The following ASPSCR1 variants were observed in gnomAD, a reference collection of about 807,000 sequenced individuals.
The protein encoded by ASPSCR1 is tether containing UBX domain for GLUT4.
In ASPSCR1, 55 loss-of-function variants were observed where a neutral mutation model predicts 68.9. The observed-to-expected ratio is 0.80, with a 90% confidence interval of 0.64 to 1.00. The LOEUF (loss-of-function observed/expected upper bound fraction) is 1.00. Among genes scored for constraint, ASPSCR1 ranks in the 50% least tolerant of loss-of-function variants. ASPSCR1 has a pLI of 0.00. For missense variants in ASPSCR1, 765 were observed against 762.2 expected (o/e 1.00, Z -0.04); for synonymous variants, 352 against 332.6 (o/e 1.06, Z -0.63).
chr17:82,008,852 T>G, intron 7 of ASPSCR1, 185 bp from the exon 8 acceptor site: 1 of 745,678 alleles, frequency 1.3e-6, no homozygotes, highest in Non-Finnish European at 2.0e-6. Context: ...TGGGGTGGGG[T>G]CCCCCAGCTG....
Position 81,996,677 on chromosome 17 carries a change from C to T in ASPSCR1, c.764C>T (p.Pro255Leu). The change falls in exon 7 of 16, where the codon CCT becomes CTT. Residue 255 changes from proline to leucine, a missense_variant. By Grantham distance (98) the Pro-to-Leu change is moderately conservative (BLOSUM62 -3). Coordinates refer to ENST00000306739, the MANE Select transcript of ASPSCR1 (RefSeq NM_024083.4). ...GGTGGGGGACAGAGACTGGGGGGCCCTCCTGGGCCCACGAGGCCTCTGACA... is the reference window on the plus strand; with the variant it reads ...GGTGGGGGACAGAGACTGGGGGGCCTTCCTGGGCCCACGAGGCCTCTGACA... ...FSGGGQRLGG[P>L]PGPTRPLTSS... 6.2e-7 allele frequency: 1 copy of T among 1,613,254 alleles called. No homozygotes were observed. Among genetic ancestry groups the T allele is most frequent in the Non-Finnish European group, 8.5e-7 (1 of 1,179,834 alleles).
At chr17:82,009,366 T>A (rs997733771) in intron 8 of ASPSCR1, 120 bp from the exon 9 acceptor site, 1 of 1,357,944 alleles carries the variant, frequency 7.4e-7, no homozygotes, top group African/African-American at 1.5e-5. Flanking sequence ...CAGACCTTCC[T>A]GCCTTGTGTG....
At chr17:82,011,177 G>A (rs747832563) in intron 10 of ASPSCR1, among the ~76,000 whole-genome samples, 2 of 152,160 alleles carry the variant, frequency 1.3e-5, no homozygotes, top group Admixed American at 6.5e-5. Context: ...ACCCTACCCC[G>A]GGAGGAGGGC....
intron 15 of ASPSCR1, 75 bp downstream of exon 15, chr17:82,017,188 G>A (rs2043168585): frequency 6.3e-7 from 1 of 1,577,354 alleles, no homozygotes; most frequent in African/African-American, 1.3e-5. Context: ...GGCAGGGTCA[G>A]TGGGCTGGGG....
chr17:81,984,569 G>A (rs1187331831), intron 3 of ASPSCR1, among the ~76,000 whole-genome samples: 2 of 150,060 alleles, frequency 1.3e-5, no homozygotes, highest in Non-Finnish European at 1.5e-5. Flanking sequence ...GACAGAGTGA[G>A]ACTTTGTCTC....
chr17:81,994,204 C>T, intron 4 of ASPSCR1, among the ~76,000 whole-genome samples: 1 of 152,254 alleles, frequency 6.6e-6, no homozygotes, highest in African/African-American at 2.4e-5. Context: ...TCCAGCTGTG[C>T]CTCCTGCGGG....
chr17:82,015,644 G>C, intron 12 of ASPSCR1: 1 of 493,986 alleles, frequency 2.0e-6, no homozygotes, highest in Non-Finnish European at 3.7e-6. Flanking sequence ...GCAGCCTCTG[G>C]GCAGTGTCCC....
At position 82,017,293 on chromosome 17, in the gene ASPSCR1, T is replaced by G; in HGVS notation, c.1649-16T>G. The G allele has an allele frequency of 6.2e-7, 1 of 1,611,232 alleles. No homozygotes were observed. Among genetic ancestry groups the G allele is most frequent in the Non-Finnish European group, 8.5e-7 (1 of 1,179,888 alleles). Reference sequence around the variant, plus strand: ...AGCCCGGGGTGTGTGGTCACCCTGATGTGTCTGCACTACAGCCAGCAAGAG... The same window carrying G: ...AGCCCGGGGTGTGTGGTCACCCTGAGGTGTCTGCACTACAGCCAGCAAGAG... On this transcript the variant is annotated splice_polypyrimidine_tract_variant and intron_variant, in intron 15 of 15. Transcript: ENST00000306739.
intron 7 of ASPSCR1, 31 bp from the exon 8 acceptor site, chr17:82,009,006 A>G (rs749132095): frequency 1.4e-6 from 2 of 1,472,632 alleles, no homozygotes; most frequent in Admixed American, 2.4e-5. Flanking sequence ...AGCCCGTGAC[A>G]CCCGCCGTCA....
chr17:82,013,812 C>G (rs1012445577), intron 12 of ASPSCR1: 1 of 152,626 alleles, frequency 6.6e-6, no homozygotes, highest in African/African-American at 2.4e-5. Context: ...CTGTGGGGAA[C>G]AAAGCCCCCC....
At chr17:81,978,525 CA>C (rs545803667) in intron 1 of ASPSCR1, 1,754 of 111,644 alleles carry the variant, frequency 0.016, 21 homozygotes, top group African/African-American at 0.037. Context: ...GACTCCATAT[CA>C]AAAAAAAAAA....
At position 81,996,615 on chromosome 17, in the gene ASPSCR1, A is replaced by G. The variant is rs746326324; in HGVS notation, c.702A>G (p.Thr234=). 6.2e-7 allele frequency: 1 copy of G among 1,611,672 alleles called. No homozygotes were observed. Among genetic ancestry groups the G allele is most frequent in the African/African-American group, 1.3e-5 (1 of 74,900 alleles). The change falls in exon 7 of 16, where the codon ACA becomes ACG. Residue 234 remains threonine, a synonymous_variant. Coordinates refer to ENST00000306739, the MANE Select transcript of ASPSCR1 (RefSeq NM_024083.4). ...AGCACACTCAGGAGAAGCAGAGCACAAGGGCACCCGCAGCTGCCCCCTTTG... is the reference window on the plus strand; with the variant it reads ...AGCACACTCAGGAGAAGCAGAGCACGAGGGCACCCGCAGCTGCCCCCTTTG... ...CCEHTQEKQS[T]RAPAAAPFVP...
chr17:81,985,173 C>CCCACACACCAACATGCACACAT (rs1229975045), intron 3 of ASPSCR1, among the ~76,000 whole-genome samples: 1 of 151,442 alleles, frequency 6.6e-6, no homozygotes, highest in African/African-American at 2.4e-5. Flanking sequence ...CCTGCACACA[C>CCCACACACCAACATGCACACAT]CCACACACCA....
chr17:81,982,302 T>G (rs1356215896), intron 2 of ASPSCR1, among the ~76,000 whole-genome samples: 2 of 152,206 alleles, frequency 1.3e-5, no homozygotes, highest in Non-Finnish European at 2.9e-5. Flanking sequence ...CTGCCCGTGG[T>G]CTGTGTGGTG....
intron 3 of ASPSCR1, among the ~76,000 whole-genome samples, chr17:81,985,111 C>T (rs564180337): frequency 2.7e-5 from 4 of 150,594 alleles, no homozygotes; most frequent in Admixed American, 2.0e-4. Flanking sequence ...TACCCGCACA[C>T]ACCTGCATGT....
intron 4 of ASPSCR1, among the ~76,000 whole-genome samples, chr17:81,991,892 T>A (rs2042180297): frequency 6.6e-6 from 1 of 152,244 alleles, no homozygotes; most frequent in Admixed American, 6.5e-5. Context: ...CTAGACTCAC[T>A]GCCTTGTCCC....
chr17:82,010,084 G>GTT (rs768673621), intron 9 of ASPSCR1: 21 of 251,538 alleles, frequency 8.3e-5, no homozygotes, highest in South Asian at 9.9e-5. Context: ...GCTAATTTTT[G>GTT]TTGTTTTTTT....
intron 4 of ASPSCR1, among the ~76,000 whole-genome samples, chr17:81,993,644 G>A (rs540135094): frequency 2.0e-5 from 3 of 152,346 alleles, no homozygotes; most frequent in East Asian, 3.9e-4. Flanking sequence ...CCAGCATCCC[G>A]CTCTGTGCAT....
At chr17:82,013,033 C>G (rs900327639) in intron 12 of ASPSCR1, 1 of 152,186 alleles carries the variant, frequency 6.6e-6, no homozygotes, top group East Asian at 1.9e-4. Flanking sequence ...CAGGCCTCTA[C>G]AGAGGCCTGG....
Sources: allele counts gnomAD v4.1 joint callset (sites outside exome capture counted in the v4.1 genomes callset), GRCh38; gene constraint gnomAD v4.1.1; transcripts MANE v1.5; gene names NCBI Gene and HGNC (gene_info 2026-07-23, HGNC 2026-07-21).